SLAIN1: variants seen among roughly 807,000 people sequenced by gnomAD.
SLAIN1 encodes SLAIN family member 1, also known as SLAIN motif-containing protein 1.
A neutral mutation model predicts 55.4 loss-of-function variants in SLAIN1; 17 were observed. The observed-to-expected ratio is 0.31, with a 90% CI of 0.21 to 0.46. The LOEUF is 0.46. Ranked by LOEUF, SLAIN1 falls within the 20% of genes least tolerant of loss-of-function variation. The pLI is 1.00. For synonymous variants in SLAIN1, 348 were observed against 337.4 expected (o/e 1.03, Z -0.35); for missense variants, 682 against 785.1 (o/e 0.87, Z 1.57).
intron 2 of SLAIN1, among the ~76,000 whole-genome samples, chr13:77,720,431 G>C (rs1372234224): frequency 1.3e-5 from 2 of 152,142 alleles, no homozygotes; most frequent in Admixed American, 6.5e-5. Context: ...TTTGAGGGTA[G>C]AGTCAGGGGA....
At chr13:77,701,849 G>C (rs2091033998) in intron 1 of SLAIN1, among the ~76,000 whole-genome samples, 1 of 149,458 alleles carries the variant, frequency 6.7e-6, no homozygotes, top group African/African-American at 2.5e-5. Context: ...CATGTGCCAT[G>C]CTGGTGCGCT....
intron 1 of SLAIN1, among the ~76,000 whole-genome samples, chr13:77,699,650 G>A (rs2091011819): frequency 6.6e-6 from 1 of 152,166 alleles, no homozygotes; most frequent in African/African-American, 2.4e-5. Flanking sequence ...TCATGTGAGA[G>A]CTCTAACTGT....
In SLAIN1 at chr13:77,719,555, C is replaced by T. The variant is rs1276487813; in HGVS notation, c.650C>T (p.Thr217Met). ...AGGTTATACATTGGCTCTTCAAAGA[C>T]GTTCACCTCATCAGAGAAATCCCTG... ...YTWLYIGSSK[T>M]FTSSEKSLTP... Residue 217 changes from threonine (T) to methionine (M), a missense_variant, in exon 2 of 7, where the codon ACG becomes ATG. Transcript: ENST00000418532. The T allele has an allele frequency of 2.5e-6, 4 of 1,612,856 alleles. No homozygotes were observed. Among genetic ancestry groups the T allele is most frequent in the South Asian group, 1.1e-5 (1 of 91,038 alleles).
chr13:77,701,421 A>G (rs1255788040), intron 1 of SLAIN1, among the ~76,000 whole-genome samples: 2 of 152,142 alleles, frequency 1.3e-5, no homozygotes, highest in East Asian at 3.8e-4. Flanking sequence ...CATGACTAAC[A>G]GAACCAATAT....
chr13:77,745,762 T>C (rs1017359424), intron 3 of SLAIN1, among the ~76,000 whole-genome samples: 2 of 152,170 alleles, frequency 1.3e-5, no homozygotes, highest in Admixed American at 6.6e-5. Context: ...TTTATATAAT[T>C]ATTTAGTAAA....
Position 77,733,161 on chromosome 13 carries a change from T to C in SLAIN1, c.767-11122T>C, listed in dbSNP as rs191035927. 3.5e-3 allele frequency among the ~76,000 whole-genome samples: 532 copies of C among 152,286 alleles called. 2 individuals carry two copies. Among genetic ancestry groups the C allele is most frequent in the Non-Finnish European group, 6.0e-3 (407 of 68,002 alleles). On this transcript the variant is annotated intron_variant, in intron 2 of 6. Transcript: ENST00000418532. The stretch of plus-strand genomic sequence containing the variant: ...ATTCAGTAGTACTCCTTATGCAACA[T>C]GGTGGAATTTGTAACTCTCATTCAA...
At chr13:77,711,501 A>G (rs1319105034) in intron 1 of SLAIN1, among the ~76,000 whole-genome samples, 2 of 152,156 alleles carry the variant, frequency 1.3e-5, no homozygotes, top group African/African-American at 2.4e-5. Flanking sequence ...TCTGGACACA[A>G]ACACCCTCCC....
chr13:77,742,590 T>C (rs1873519174), intron 2 of SLAIN1, among the ~76,000 whole-genome samples: 1 of 151,892 alleles, frequency 6.6e-6, no homozygotes, highest in Non-Finnish European at 1.5e-5. Context: ...GAATTACATA[T>C]AGTTAATATT....
intron 1 of SLAIN1, among the ~76,000 whole-genome samples, chr13:77,710,859 G>C (rs979249798): frequency 6.6e-6 from 1 of 152,010 alleles, no homozygotes; most frequent in East Asian, 1.9e-4. Context: ...CTCAGCAAAG[G>C]CAAAAGAATG....
chr13:77,715,094 C>A (rs1467350576), intron 1 of SLAIN1, among the ~76,000 whole-genome samples: 1 of 152,172 alleles, frequency 6.6e-6, no homozygotes, highest in Non-Finnish European at 1.5e-5. Flanking sequence ...TCTCGATCTC[C>A]TGACCTTGTG....
chr13:77,705,801 T>C (rs1465549794), intron 1 of SLAIN1, among the ~76,000 whole-genome samples: 1 of 152,032 alleles, frequency 6.6e-6, no homozygotes, highest in Non-Finnish European at 1.5e-5. Flanking sequence ...AGACTTTTTT[T>C]TTCTAGACAA....
chr13:77,763,417 T>C lies in SLAIN1; in HGVS notation c.*197T>C, dbSNP rs1228654210. On this transcript the variant is annotated 3_prime_UTR_variant, in exon 7 of 7. Transcript: ENST00000418532. ...ATATTTGCCTGAGATACTGCAACAT[T>C]CTCAAACCCATGGTTGCAGTATTGT... The C allele has an allele frequency of 7.0e-6, 4 of 570,534 alleles. No individual in the cohort carries two copies. In the African/African-American group the frequency reaches 7.5e-5, roughly 11 times the overall value. 35.3% of individuals were successfully genotyped at this position (570,534 alleles called of 1,614,324 possible). A position where few individuals can be genotyped will look rare whatever the true frequency, so the allele number is the denominator to read the frequency against.
At chr13:77,736,055 C>T (rs758993935) in intron 2 of SLAIN1, among the ~76,000 whole-genome samples, 6 of 152,078 alleles carry the variant, frequency 3.9e-5, no homozygotes, top group Non-Finnish European at 8.8e-5. Context: ...AAGGCAGGCA[C>T]ACGCTAACAT....
At chr13:77,727,923 A>T (rs17068225) in intron 2 of SLAIN1, among the ~76,000 whole-genome samples, 13,052 of 152,204 alleles carry the variant, frequency 0.086, 723 homozygotes, top group East Asian at 0.11. Flanking sequence ...AATACAGGGA[A>T]TCCTCTTTGC....
chr13:77,723,639 T>C (rs924983528), intron 2 of SLAIN1, among the ~76,000 whole-genome samples: 1 of 152,212 alleles, frequency 6.6e-6, no homozygotes, highest in African/African-American at 2.4e-5. Context: ...ACCGTTCTTA[T>C]TTCTGATTCT....
chr13:77,735,866 G>T (rs1481521141), intron 2 of SLAIN1, among the ~76,000 whole-genome samples: 1 of 151,426 alleles, frequency 6.6e-6, no homozygotes, highest in African/African-American at 2.4e-5. Context: ...CCTTCCCTGT[G>T]GTTTCTAAAA....
intron 6 of SLAIN1, among the ~76,000 whole-genome samples, chr13:77,762,225 T>A (rs1875090425): frequency 6.6e-6 from 1 of 152,212 alleles, no homozygotes; most frequent in African/African-American, 2.4e-5. Context: ...ATCATGCTGA[T>A]GGCTGACTAG....
At chr13:77,748,382 A>G (rs1431925286) in intron 4 of SLAIN1, among the ~76,000 whole-genome samples, 1 of 133,354 alleles carries the variant, frequency 7.5e-6, no homozygotes, top group Non-Finnish European at 1.6e-5. Flanking sequence ...GGGCACCTAG[A>G]GTTATTTCTC....
At chr13:77,700,475 G>T (rs1299163251) in intron 1 of SLAIN1, among the ~76,000 whole-genome samples, 1 of 152,074 alleles carries the variant, frequency 6.6e-6, no homozygotes, top group Non-Finnish European at 1.5e-5. Context: ...AACAAGGAGG[G>T]TTCATTAATC....
Sources: gnomAD v4.1 joint callset for allele counts (sites outside exome capture counted in the v4.1 genomes callset) on GRCh38, gnomAD v4.1.1 for gene constraint, MANE v1.5 for transcripts, NCBI Gene and HGNC (gene_info 2026-07-23, HGNC 2026-07-21) for gene names.